KCTD16: variants seen among roughly 807,000 people sequenced by gnomAD.
KCTD16 encodes the protein BTB/POZ domain-containing protein KCTD16.
KCTD16 carries 13 observed loss-of-function variants against 33.2 expected under a neutral mutation model. That is an observed-to-expected ratio of 0.39 (90% CI 0.25 to 0.62). The LOEUF (loss-of-function observed/expected upper bound fraction) is 0.62, where lower values mean the gene tolerates loss of function less well. Ranked by LOEUF, KCTD16 falls within the 20% of genes least tolerant of loss-of-function variation. KCTD16 has a pLI of 0.50. For missense variants in KCTD16, 441 were observed against 525.1 expected (o/e 0.84, Z 1.57); for synonymous variants, 197 against 195.3 (o/e 1.01, Z -0.07).
chr5:144,214,319 T>A (rs1424744051), intron 3 of KCTD16, among the ~76,000 whole-genome samples: 1 of 152,036 alleles, frequency 6.6e-6, no homozygotes, highest in African/African-American at 2.4e-5. Flanking sequence ...TAAATTGTTC[T>A]CCCCCTCCCG....
chr5:144,327,184 C>T (rs1176467772), intron 3 of KCTD16, among the ~76,000 whole-genome samples: 1 of 152,234 alleles, frequency 6.6e-6, no homozygotes, highest in East Asian at 1.9e-4. Flanking sequence ...TTTAAGGCTA[C>T]ATAATATTGG....
chr5:144,418,252 T>C (rs1254879024), intron 3 of KCTD16, among the ~76,000 whole-genome samples: 2 of 152,120 alleles, frequency 1.3e-5, no homozygotes, highest in East Asian at 1.9e-4. Context: ...GAACAAGGCT[T>C]CCACAGCGTG....
chr5:144,293,988 A>C (rs1755966687), intron 3 of KCTD16, among the ~76,000 whole-genome samples: 1 of 152,130 alleles, frequency 6.6e-6, no homozygotes, highest in Non-Finnish European at 1.5e-5. Flanking sequence ...GTGAAACCCC[A>C]TGTCTACTAA....
intron 3 of KCTD16, among the ~76,000 whole-genome samples, chr5:144,447,394 C>CT (rs1319293525): frequency 1.3e-5 from 2 of 152,010 alleles, no homozygotes; most frequent in East Asian, 3.9e-4. Flanking sequence ...ACATCACACA[C>CT]TAGGACCTGT....
At chr5:144,281,886 CT>C (rs374262083) in intron 3 of KCTD16, among the ~76,000 whole-genome samples, 60 of 152,264 alleles carry the variant, frequency 3.9e-4, no homozygotes, top group African/African-American at 1.3e-3. Context: ...TACAAACATA[CT>C]TAGGATTTTT....
intron 3 of KCTD16, among the ~76,000 whole-genome samples, chr5:144,350,470 T>C (rs1463406589): frequency 2.0e-5 from 3 of 152,168 alleles, no homozygotes; most frequent in Non-Finnish European, 4.4e-5. Flanking sequence ...AGAAAAGAAG[T>C]CTGAATTATA....
intron 3 of KCTD16, among the ~76,000 whole-genome samples, chr5:144,403,940 T>C (rs372319179): frequency 2.6e-5 from 4 of 152,128 alleles, no homozygotes; most frequent in South Asian, 2.1e-4. Flanking sequence ...ATCAAATCCA[T>C]GTAGGAGGGG....
intron 3 of KCTD16, among the ~76,000 whole-genome samples, chr5:144,453,680 T>C (rs1485521563): frequency 6.6e-6 from 1 of 152,140 alleles, no homozygotes; most frequent in African/African-American, 2.4e-5. Context: ...CTATTCAGCA[T>C]TGAGTAATTG....
At chr5:144,171,074 G>A (rs555940985) in intron 1 of KCTD16, 65 bp downstream of exon 1, 62 of 152,378 alleles carry the variant, frequency 4.1e-4, no homozygotes, top group African/African-American at 1.3e-3. Context: ...TGTAAGTGAA[G>A]CTATTAAGTA....
chr5:144,347,790 A>C (rs1400412289), intron 3 of KCTD16, among the ~76,000 whole-genome samples: 1 of 151,996 alleles, frequency 6.6e-6, no homozygotes, highest in Non-Finnish European at 1.5e-5. Flanking sequence ...CTACTTTGGG[A>C]TGGCAAACTT....
Position 144,368,880 on chromosome 5 carries a change from G to A in KCTD16, c.833-104780G>A, listed in dbSNP as rs538125360. On this transcript the variant is annotated intron_variant, in intron 3 of 3. Coordinates refer to ENST00000512467, the MANE Select transcript of KCTD16 (RefSeq NM_020768.4). Reference sequence around the variant, plus strand: ...AAGGAGGAAATCAAGGCTCAGATACGCTAATTCGTTCAAAATAATAGAGTT... The same window carrying A: ...AAGGAGGAAATCAAGGCTCAGATACACTAATTCGTTCAAAATAATAGAGTT... Among the ~76,000 whole-genome samples, 14 of 152,258 alleles carry A rather than the reference G, an allele frequency of 9.2e-5. No homozygotes were observed. The East Asian group carries it at 1.4e-3, about 15-fold the overall frequency.
At chr5:144,320,363 T>C (rs1752039568) in intron 3 of KCTD16, among the ~76,000 whole-genome samples, 2 of 152,200 alleles carry the variant, frequency 1.3e-5, no homozygotes, top group African/African-American at 4.8e-5. Flanking sequence ...GCCTGCCCTC[T>C]GTGACTGCGG....
Position 144,174,768 on chromosome 5 carries a change from A to G in KCTD16, c.-327+296A>G, listed in dbSNP as rs1752465842. 2.6e-5 allele frequency among the ~76,000 whole-genome samples: 4 copies of G among 152,252 alleles called. No individual in the cohort carries two copies. In the South Asian group the frequency reaches 8.3e-4, roughly 32 times the overall value. ...ACCCCAATTTTATAACTATTCCTGG[A>G]AGCTTGACTTCAGTATTGCAAGTGC... is the stretch of plus-strand genomic sequence containing the variant. On this transcript the variant is annotated intron_variant, in intron 2 of 3. Coordinates refer to ENST00000512467, the MANE Select transcript of KCTD16 (RefSeq NM_020768.4).
intron 3 of KCTD16, among the ~76,000 whole-genome samples, chr5:144,267,669 G>C (rs940875679): frequency 6.6e-6 from 1 of 152,154 alleles, no homozygotes; most frequent in Non-Finnish European, 1.5e-5. Flanking sequence ...AGTTTCCACA[G>C]AGGATCTCCT....
chr5:144,414,995 A>G (rs1237510101), intron 3 of KCTD16, among the ~76,000 whole-genome samples: 3 of 152,284 alleles, frequency 2.0e-5, no homozygotes, highest in African/African-American at 4.8e-5. Flanking sequence ...TTGGGCTACT[A>G]TAACAGAACA....
At chr5:144,215,086 T>C (rs1484642771) in intron 3 of KCTD16, among the ~76,000 whole-genome samples, 1 of 152,184 alleles carries the variant, frequency 6.6e-6, no homozygotes, top group African/African-American at 2.4e-5. Flanking sequence ...ATAATAATAA[T>C]GTTATTTTCT....
At chr5:144,375,091 G>A (rs780801982) in intron 3 of KCTD16, among the ~76,000 whole-genome samples, 9 of 152,188 alleles carry the variant, frequency 5.9e-5, no homozygotes, top group South Asian at 2.1e-4. Flanking sequence ...ACAGGTGAAC[G>A]AGCCATGGTC....
chr5:144,218,564 G>T (rs1466534353), intron 3 of KCTD16, among the ~76,000 whole-genome samples: 1 of 151,856 alleles, frequency 6.6e-6, no homozygotes, highest in East Asian at 1.9e-4. Context: ...AACTCTTCAG[G>T]TTTCTCTCCC....
At chr5:144,332,166 A>G (rs961662517) in intron 3 of KCTD16, among the ~76,000 whole-genome samples, 1 of 152,220 alleles carries the variant, frequency 6.6e-6, no homozygotes, top group African/African-American at 2.4e-5. Flanking sequence ...AATGGTCTGC[A>G]AGATGACATT....
Sources: allele counts gnomAD v4.1 joint callset (sites outside exome capture counted in the v4.1 genomes callset), GRCh38; gene constraint gnomAD v4.1.1; transcripts MANE v1.5; gene names NCBI Gene and HGNC (gene_info 2026-07-23, HGNC 2026-07-21).